The following DKKL1 variants were observed in gnomAD, a reference collection of about 807,000 sequenced individuals.
DKKL1 encodes dickkopf like acrosomal protein 1.
A neutral mutation model predicts 16.5 loss-of-function variants in DKKL1; 11 were observed. That is an observed-to-expected ratio of 0.67 (90% CI 0.42 to 1.10). The LOEUF is 1.10. Among genes scored for constraint, DKKL1 ranks in the 50% least tolerant of loss-of-function variants. The pLI is 0.00. For missense variants in DKKL1, 320 were observed against 308.1 expected (o/e 1.04, Z -0.29); for synonymous variants, 119 against 133.2 (o/e 0.89, Z 0.73).
At position 49,374,895 on chromosome 19, in the gene DKKL1, C is replaced by T. The variant is rs748228429; in HGVS notation, c.596C>T (p.Ala199Val). 3.1e-6 allele frequency: 5 copies of T among 1,614,042 alleles called. No individual in the cohort carries two copies. In the South Asian group the frequency reaches 3.3e-5, roughly 11 times the overall value. Residue 199 changes from alanine (A) to valine (V), a missense_variant, in exon 5 of 5, where the codon GCC (alanine) becomes GTC (valine). Physicochemically the swap from Ala to Val is moderately conservative, Grantham distance 64 (BLOSUM62 0). Transcript: ENST00000221498. Reference sequence around the variant, plus strand: ...AGCGAGAAGCGACACCGCCTGCAGGCCATCCGGGATGGACTCCGCAAGGGG... The same window carrying T: ...AGCGAGAAGCGACACCGCCTGCAGGTCATCCGGGATGGACTCCGCAAGGGG... ...WLSEKRHRLQ[A>V]IRDGLRKGTH...
In DKKL1 at chr19:49,365,480, C is replaced by T. The variant is rs779066964; in HGVS notation, c.184-29C>T. On this transcript the variant is annotated intron_variant, in intron 2 of 4. Coordinates refer to ENST00000221498, the MANE Select transcript of DKKL1 (RefSeq NM_014419.4). The stretch of plus-strand genomic sequence containing the variant: ...TGTACTGAGGAGATGTGAGGTCCAG[C>T]AGCTCACCAGTCCCTCCTCCGGCCC... 2.5e-6 allele frequency: 4 copies of T among 1,570,168 alleles called. No homozygotes were observed. In the East Asian group the frequency reaches 6.8e-5, roughly 27 times the overall value.
chr19:49,374,582 G>T, intron 4 of DKKL1, 135 bp from the exon 5 acceptor site: 1 of 760,624 alleles, frequency 1.3e-6, no homozygotes, highest in Non-Finnish European at 2.0e-6. Flanking sequence ...CAAGTGCTTT[G>T]TAAACCTCAA....
intron 4 of DKKL1, among the ~76,000 whole-genome samples, chr19:49,373,727 C>T (rs1028733600): frequency 2.0e-5 from 3 of 152,214 alleles, no homozygotes; most frequent in East Asian, 3.9e-4. Context: ...ACCTCAGCCT[C>T]GCAAAGTGCT....
rs998748923 is a variant in DKKL1, at chr19:49,374,873, G to C, written c.574G>C (p.Glu192Gln). ...CCTGGAGGGCGGCCACTGGCTCAGC[G>C]AGAAGCGACACCGCCTGCAGGCCAT... ...DALEGGHWLS[E>Q]KRHRLQAIRD... is the part of the protein sequence containing the mutation. The change falls in exon 5 of 5, where the codon GAG becomes CAG. Residue 192 changes from glutamate to glutamine, a missense_variant. Coordinates refer to ENST00000221498, the MANE Select transcript of DKKL1 (RefSeq NM_014419.4). 6.2e-7 allele frequency: 1 copy of C among 1,614,004 alleles called. No individual in the cohort carries two copies.
upstream of DKKL1, chr19:49,363,296 A>G (rs1973082944): frequency 6.5e-6 from 1 of 153,418 alleles, no homozygotes; most frequent in Admixed American, 6.5e-5. Context: ...AAGATGAAAT[A>G]TAAGACTGGA....
chr19:49,363,915 G>A lies in DKKL1; in HGVS notation c.-84G>A. On this transcript the variant is annotated 5_prime_UTR_variant, in exon 1 of 5. Coordinates refer to ENST00000221498, the MANE Select transcript of DKKL1 (RefSeq NM_014419.4). ...AGACCATAACTGTTTGGCTTTAACA[G>A]TACGTGGGCGGCCGGAATCCGGGAG... The A allele has an allele frequency of 6.3e-7, 1 of 1,577,772 alleles. No homozygotes were observed.
chr19:49,374,187 C>T (rs1330268970), intron 4 of DKKL1, among the ~76,000 whole-genome samples: 1 of 152,042 alleles, frequency 6.6e-6, no homozygotes, highest in Admixed American at 6.6e-5. Context: ...AGGGTTTCAC[C>T]GTGTTAGCCA....
upstream of DKKL1, among the ~76,000 whole-genome samples, chr19:49,362,780 G>C (rs1345772408): frequency 6.6e-6 from 1 of 152,124 alleles, no homozygotes; most frequent in East Asian, 1.9e-4. Flanking sequence ...TCTGAGAGGG[G>C]ACGGGGCTAG....
At position 49,364,723 on chromosome 19, in the gene DKKL1, TAC is replaced by T. The variant is rs1203521318; in HGVS notation, c.153_154del (p.Leu52ProfsTer11). The stretch of plus-strand genomic sequence containing the variant: ...TTGGGTCTCACAGGCCTCCAGAGCC[TAC>T]TCCAAGGCTTCAGCCGACTTTTCCT... On this transcript the variant is annotated frameshift_variant, in exon 2 of 5. Transcript: ENST00000221498. LOFTEE classifies it high-confidence loss of function. 3.1e-6 allele frequency: 5 copies of T among 1,613,430 alleles called. No individual in the cohort carries two copies. In the African/African-American group the frequency reaches 6.7e-5, roughly 22 times the overall value.
At chr19:49,362,756 T>G (rs1397689301), upstream of DKKL1, among the ~76,000 whole-genome samples, 2 of 149,878 alleles carry the variant, frequency 1.3e-5, no homozygotes, top group African/African-American at 5.0e-5. Flanking sequence ...TGGAGAGAGA[T>G]ATGGGCTCCT....
At chr19:49,362,686 T>A, upstream of DKKL1, among the ~76,000 whole-genome samples, 1 of 136,782 alleles carries the variant, frequency 7.3e-6, no homozygotes, top group South Asian at 2.5e-4. Context: ...GAGGAGAGGC[T>A]GGGGGCTGGG....
intron 4 of DKKL1, among the ~76,000 whole-genome samples, chr19:49,366,987 C>G (rs1742131990): frequency 6.6e-6 from 1 of 151,822 alleles, no homozygotes; most frequent in Admixed American, 6.6e-5. Context: ...GGATTATAGA[C>G]ATGAGCCACC....
Position 49,364,828 on chromosome 19 carries a change from G to A in DKKL1, c.183+74G>A, listed in dbSNP as rs190836480. On this transcript the variant is annotated intron_variant, in intron 2 of 4. Transcript: ENST00000221498. ...GGGACACAGAGTGGGAGATGGTTCA[G>A]GGCCAGGCAGGGGGACAGACAGGAT... The A allele has an allele frequency of 1.9e-4, 287 of 1,540,772 alleles. 1 individual carries two copies. The highest frequency in any genetic ancestry group is 1.7e-3 in the Admixed American group (91 of 53,016).
chr19:49,371,143 C>G (rs769434594), intron 4 of DKKL1: 1 of 152,240 alleles, frequency 6.6e-6, no homozygotes, highest in Non-Finnish European at 1.5e-5. Context: ...AGAGACAAAG[C>G]CTGAAAAGGC....
chr19:49,365,724 C>A, intron 3 of DKKL1, 69 bp from the exon 4 acceptor site: 1 of 1,600,590 alleles, frequency 6.2e-7, no homozygotes, highest in Non-Finnish European at 8.5e-7. Flanking sequence ...GCTGCAGTAT[C>A]TGTTGGGAGG....
At chr19:49,361,150 G>T (rs1217314330), upstream of DKKL1, among the ~76,000 whole-genome samples, 1 of 51,976 alleles carries the variant, frequency 1.9e-5, no homozygotes, top group Non-Finnish European at 3.4e-5. Context: ...GAGGGGGACA[G>T]AGACCGGGGG....
In DKKL1 at chr19:49,375,039, C is replaced by T. The variant is rs762691861; in HGVS notation, c.*11C>T. 4.4e-6 allele frequency: 7 copies of T among 1,585,976 alleles called. No individual in the cohort carries two copies. In the Admixed American group the frequency reaches 5.2e-5, roughly 12 times the overall value. On this transcript the variant is annotated 3_prime_UTR_variant, in exon 5 of 5. Coordinates refer to ENST00000221498, the MANE Select transcript of DKKL1 (RefSeq NM_014419.4). ...TCTCGGCAGCTGTAGGGGTGGGGAC[C>T]GGGGAGCACCTGCCTGTAGCCCCCA... is the stretch of plus-strand genomic sequence containing the variant.
chr19:49,360,754 GAGGGGGACAGAGACCCAGA>G (rs1972800473), upstream of DKKL1, among the ~76,000 whole-genome samples: 2 of 95,046 alleles, frequency 2.1e-5, no homozygotes, highest in Non-Finnish European at 2.4e-5. Flanking sequence ...CCCAGAGAGG[GAGGGGGACAGAGACCCAGA>G]GAGGGGATGG....
chr19:49,363,720 G>A (rs1263424050), upstream of DKKL1: 2 of 532,160 alleles, frequency 3.8e-6, no homozygotes, highest in Non-Finnish European at 6.9e-6. Context: ...TCTGGCTTAA[G>A]GGGTGTGGTG....
Sources: gnomAD v4.1 joint callset for allele counts (sites outside exome capture counted in the v4.1 genomes callset) on GRCh38, gnomAD v4.1.1 for gene constraint, MANE v1.5 for transcripts, NCBI Gene and HGNC (gene_info 2026-07-23, HGNC 2026-07-21) for gene names.